SLC35F4: variants seen among roughly 807,000 people sequenced by gnomAD.
SLC35F4 encodes chromosome 14 open reading frame 36.
In SLC35F4, 24 loss-of-function variants were observed where a neutral mutation model predicts 44.2. That is an observed-to-expected ratio of 0.54 (90% confidence interval 0.39 to 0.76). The LOEUF (loss-of-function observed/expected upper bound fraction) is 0.76. SLC35F4 is among the 30% of genes least tolerant of loss of function. The pLI, the probability that SLC35F4 is intolerant of heterozygous loss-of-function variation, is 0.00. For synonymous variants in SLC35F4, 238 were observed against 223.6 expected, an observed-to-expected ratio of 1.06 and a Z score of -0.57; for missense variants, 562 against 586.1, an observed-to-expected ratio of 0.96 and a Z score of 0.42.
At chr14:57,569,404 C>A (rs985092309) in intron 6 of SLC35F4, among the ~76,000 whole-genome samples, 1 of 152,152 alleles carries the variant, frequency 6.6e-6, no homozygotes, top group Non-Finnish European at 1.5e-5. Flanking sequence ...CAGTTTGAAC[C>A]ACTCTGAGTT....
chr14:57,735,692 C>T lies in SLC35F4; in HGVS notation c.103+130031G>A, dbSNP rs2076445608. On this transcript the variant is annotated intron_variant, in intron 1 of 7. Transcript: ENST00000556826. ...TGCCACTGCATTCTATTGCTTAAAA[C>T]AAGTCAAAACTCCAACATAGCCACC... Among the ~76,000 whole-genome samples, 7 of 151,332 alleles carry T rather than the reference C, an allele frequency of 4.6e-5. No homozygotes were observed. In the South Asian group the frequency reaches 1.2e-3, roughly 27 times the overall value.
intron 1 of SLC35F4, among the ~76,000 whole-genome samples, chr14:57,964,974 GAAAAA>G (rs72495990): frequency 5.0e-4 from 60 of 119,002 alleles, no homozygotes; most frequent in East Asian, 2.7e-3. Flanking sequence ...TCCCATGGGG[GAAAAA>G]AAAAAAAAAA....
Position 57,678,757 on chromosome 14 carries a change from C to T in SLC35F4, c.104-84633G>A, listed in dbSNP as rs182954196. ...TCTGATAAAACAGACTTTAAACCAA[C>T]AAAGATCAAAAGAATCAAAGAAGGG... On this transcript the variant is annotated intron_variant, in intron 1 of 7. Transcript: ENST00000556826. Among the ~76,000 whole-genome samples, 9 of 151,376 alleles carry T rather than the reference C, an allele frequency of 5.9e-5. No individual in the cohort carries two copies. The East Asian group carries it at 1.5e-3, about 26-fold the overall frequency.
chr14:57,895,627 C>T (rs897521932), intron 1 of SLC35F4, among the ~76,000 whole-genome samples: 1 of 151,740 alleles, frequency 6.6e-6, no homozygotes, highest in Non-Finnish European at 1.5e-5. Flanking sequence ...TGTCTCTCTC[C>T]TGCTCTGCCA....
chr14:57,886,217 A>T (rs1888640916), intron 1 of SLC35F4, among the ~76,000 whole-genome samples: 1 of 152,186 alleles, frequency 6.6e-6, no homozygotes, highest in Non-Finnish European at 1.5e-5. Context: ...ATTGTAGCTT[A>T]AAACAACATG....
At chr14:57,611,324 T>C (rs1255669791) in intron 1 of SLC35F4, among the ~76,000 whole-genome samples, 2 of 152,080 alleles carry the variant, frequency 1.3e-5, no homozygotes, top group East Asian at 3.9e-4. Flanking sequence ...AACAAGGGTA[T>C]GGGTGAAGAA....
intron 1 of SLC35F4, among the ~76,000 whole-genome samples, chr14:57,879,396 G>A (rs756280051): frequency 6.6e-6 from 1 of 151,902 alleles, no homozygotes; most frequent in African/African-American, 2.4e-5. Flanking sequence ...TCTTCCCAGG[G>A]TCTAAACCAT....
intron 1 of SLC35F4, among the ~76,000 whole-genome samples, chr14:57,721,542 G>C (rs1042314216): frequency 6.6e-6 from 1 of 152,170 alleles, no homozygotes; most frequent in Non-Finnish European, 1.5e-5. Flanking sequence ...AGCTGAAATT[G>C]TGGAAAAACA....
chr14:57,865,787 G>T lies in SLC35F4; in HGVS notation c.39C>A (p.Ile13=), dbSNP rs963692936. The T allele has an allele frequency of 2.0e-6, 3 of 1,522,210 alleles. No homozygotes were observed. The highest frequency in any genetic ancestry group is 4.1e-5 in the Admixed American group (2 of 49,302). 94.3% of individuals were successfully genotyped at this position (1,522,210 alleles called of 1,614,324 possible). The change falls in exon 1 of 8, where the codon ATC becomes ATA. Residue 13 remains isoleucine (I), a synonymous_variant. Transcript: ENST00000556826. ...VKAAPNGVAT[I]EDRILRITGY... Reference sequence around the variant, plus strand: ...CGGTGATCCGCAGGATCCGGTCCTCGATAGTGGCCACCCCGTTGGGGGCCG... The same window carrying T: ...CGGTGATCCGCAGGATCCGGTCCTCTATAGTGGCCACCCCGTTGGGGGCCG...
At chr14:57,922,294 T>C (rs544268763) in intron 1 of SLC35F4, among the ~76,000 whole-genome samples, 1 of 152,310 alleles carries the variant, frequency 6.6e-6, no homozygotes, top group Admixed American at 6.5e-5. Flanking sequence ...TTCAGCAGAA[T>C]CCATCTGAGA....
chr14:57,755,095 G>C (rs2140584302), intron 1 of SLC35F4, among the ~76,000 whole-genome samples: 1 of 152,284 alleles, frequency 6.6e-6, no homozygotes, highest in South Asian at 2.1e-4. Context: ...TGTCCCATGT[G>C]GATTGGAGTC....
In SLC35F4 at chr14:57,781,536, T is replaced by C. The variant is rs557420282; in HGVS notation, c.103+84187A>G. Among the ~76,000 whole-genome samples, 12 of 152,180 alleles carry C rather than the reference T, an allele frequency of 7.9e-5. No homozygotes were observed. In the South Asian group the frequency reaches 2.1e-3, roughly 26 times the overall value. On this transcript the variant is annotated intron_variant, in intron 1 of 7. Transcript: ENST00000556826. ...CTCAAAGAGCTAAAAGTGGAGCTCA[T>C]ATTTGACCCAGCAACTCATGACTGG... is the stretch of plus-strand genomic sequence containing the variant.
At chr14:57,746,155 G>A (rs1364165043) in intron 1 of SLC35F4, among the ~76,000 whole-genome samples, 2 of 151,988 alleles carry the variant, frequency 1.3e-5, no homozygotes, top group African/African-American at 4.8e-5. Flanking sequence ...AATGGGTGCA[G>A]CACACCAACA....
At chr14:57,607,907 AG>A (rs2071259433) in intron 1 of SLC35F4, among the ~76,000 whole-genome samples, 1 of 152,114 alleles carries the variant, frequency 6.6e-6, no homozygotes, top group Admixed American at 6.5e-5. Flanking sequence ...TGTAGAAATA[AG>A]GGTGAAAGAG....
At chr14:57,820,945 G>A (rs557288725) in intron 1 of SLC35F4, among the ~76,000 whole-genome samples, 2 of 152,302 alleles carry the variant, frequency 1.3e-5, no homozygotes, top group African/African-American at 2.4e-5. Context: ...TATCACATAA[G>A]GCTTATAAAA....
At chr14:57,782,979 T>TA (rs1353023530) in intron 1 of SLC35F4, among the ~76,000 whole-genome samples, 1 of 151,914 alleles carries the variant, frequency 6.6e-6, no homozygotes, top group Non-Finnish European at 1.5e-5. Context: ...AGGACAATTG[T>TA]AAAAAAGGAA....
At chr14:57,618,174 A>T (rs1024434490) in intron 1 of SLC35F4, among the ~76,000 whole-genome samples, 5 of 152,186 alleles carry the variant, frequency 3.3e-5, no homozygotes, top group Admixed American at 6.5e-5. Flanking sequence ...ACAAGATTTT[A>T]AAATAAAATG....
intron 1 of SLC35F4, among the ~76,000 whole-genome samples, chr14:57,663,019 T>A (rs2074188344): frequency 6.6e-6 from 1 of 152,158 alleles, no homozygotes; most frequent in Non-Finnish European, 1.5e-5. Flanking sequence ...TTCCTGTAAA[T>A]CACTTTTTCC....
At chr14:57,977,700 C>T (rs1184103227) in intron 1 of SLC35F4, among the ~76,000 whole-genome samples, 1 of 152,172 alleles carries the variant, frequency 6.6e-6, no homozygotes, top group African/African-American at 2.4e-5. Context: ...TGACATTTTT[C>T]CTCCAGTCGC....
Sources: gnomAD v4.1 joint callset for allele counts (sites outside exome capture counted in the v4.1 genomes callset) on GRCh38, gnomAD v4.1.1 for gene constraint, MANE v1.5 for transcripts, NCBI Gene and HGNC (gene_info 2026-07-23, HGNC 2026-07-21) for gene names.